SNAP23: variants seen among roughly 807,000 people sequenced by gnomAD.
The protein encoded by SNAP23 is synaptosome associated protein 23, also known as synaptosomal-associated protein 23.
In SNAP23, 11 loss-of-function variants were observed where a neutral mutation model predicts 29.0. The ratio of observed to expected loss-of-function variants is 0.38; its 90% CI spans 0.24 to 0.63. The LOEUF (loss-of-function observed/expected upper bound fraction) is 0.63. Among genes scored for constraint, SNAP23 ranks in the 20% least tolerant of loss-of-function variants. The probability of loss-of-function intolerance (pLI) is 0.58; values close to 1 mark genes in which losing one functional copy is unlikely to be tolerated. For synonymous variants in SNAP23, 60 were observed against 82.9 expected (o/e 0.72, Z 1.50); for missense variants, 220 against 253.9 (o/e 0.87, Z 0.91).
chr15:42,508,168 A>G (rs1375778368), intron 1 of SNAP23, among the ~76,000 whole-genome samples: 1 of 151,462 alleles, frequency 6.6e-6, no homozygotes, highest in Non-Finnish European at 1.5e-5. Context: ...AGGGGGCTAA[A>G]TGGGAGGATT....
chr15:42,497,997 G>A (rs7180483), intron 1 of SNAP23, among the ~76,000 whole-genome samples: 14,735 of 152,188 alleles, frequency 0.097, 817 homozygotes, highest in South Asian at 0.17. Context: ...CACATCTAGG[G>A]CACGCTGATG....
rs556018475 is a variant in SNAP23, at chr15:42,517,918, G to T, written c.266+2564G>T. Among the ~76,000 whole-genome samples the T allele has an allele frequency of 5.2e-4, 79 of 152,068 alleles. No homozygotes were observed. In the South Asian group the frequency reaches 0.016, roughly 31 times the overall value. On this transcript the variant is annotated intron_variant, in intron 5 of 7. Transcript: ENST00000249647. The stretch of plus-strand genomic sequence containing the variant: ...GTAGAGACAGGGGTCTTGCTATGTT[G>T]CCCAGGCTTGTATCAAACTCCTGGC...
At chr15:42,500,209 C>G (rs1288756158) in intron 1 of SNAP23, among the ~76,000 whole-genome samples, 1 of 133,622 alleles carries the variant, frequency 7.5e-6, no homozygotes, top group African/African-American at 2.8e-5. Context: ...ATCTGCAACA[C>G]TCTGGACATC....
intron 5 of SNAP23, among the ~76,000 whole-genome samples, chr15:42,519,452 A>T (rs1214281853): frequency 6.6e-6 from 1 of 151,208 alleles, no homozygotes; most frequent in Non-Finnish European, 1.5e-5. Flanking sequence ...GCTCACTGCA[A>T]CCTTCGCTTC....
At chr15:42,500,458 G>T (rs2057259875) in intron 1 of SNAP23, among the ~76,000 whole-genome samples, 2 of 146,084 alleles carry the variant, frequency 1.4e-5, no homozygotes, top group Admixed American at 1.4e-4. Flanking sequence ...GTGTGATCTC[G>T]GCTCACCGCA....
At chr15:42,521,811 C>A in intron 5 of SNAP23, 1 of 456,154 alleles carries the variant, frequency 2.2e-6, no homozygotes, top group Non-Finnish European at 3.9e-6. Context: ...TGAATTTGTT[C>A]TTGATGGGTG....
chr15:42,531,562 G>A lies in SNAP23; in HGVS notation c.*84G>A, dbSNP rs771146201. The A allele has an allele frequency of 1.6e-4, 162 of 1,001,568 alleles. No homozygotes were observed. The highest frequency in any genetic ancestry group is 2.1e-4 in the Admixed American group (10 of 48,200). The allele number at this position is 1,001,568 out of a possible 1,614,324, so 62.0% of individuals were successfully genotyped here. A position where few individuals can be genotyped will look rare whatever the true frequency, so the allele number is the denominator to read the frequency against. ...TTACCTTTTCAGAGTTTAAGTTTTC[G>A]GTTCCACGCTCTTCTAATTGGGAGA... is the stretch of plus-strand genomic sequence containing the variant. On this transcript the variant is annotated 3_prime_UTR_variant, in exon 8 of 8. Transcript: ENST00000249647.
chr15:42,511,969 G>A, intron 2 of SNAP23, 66 bp downstream of exon 2: 1 of 1,087,570 alleles, frequency 9.2e-7, no homozygotes, highest in Non-Finnish European at 1.3e-6. Context: ...GAGTGAGAGA[G>A]CCTTCTTAGG....
chr15:42,531,397 C>A lies in SNAP23; in HGVS notation c.571-16C>A, dbSNP rs760021999. ...GTTACTTACCTTGTAAAGCTGATAT[C>A]TTTCTTGTTTTTCAGGCTGACACCA... On this transcript the variant is annotated splice_polypyrimidine_tract_variant and intron_variant, in intron 7 of 7. Coordinates refer to ENST00000249647, the MANE Select transcript of SNAP23 (RefSeq NM_003825.4). 7 of 1,522,986 alleles carry A rather than the reference C, an allele frequency of 4.6e-6. No homozygotes were observed. In the South Asian group the frequency reaches 8.1e-5, roughly 18 times the overall value. 94.3% of individuals were successfully genotyped at this position (1,522,986 alleles called of 1,614,324 possible). A position where few individuals can be genotyped will look rare whatever the true frequency, so the allele number is the denominator to read the frequency against.
intron 5 of SNAP23, among the ~76,000 whole-genome samples, chr15:42,525,323 G>A (rs1182463451): frequency 6.8e-6 from 1 of 146,970 alleles, no homozygotes. Flanking sequence ...AGCTGAGATC[G>A]TGCCACTGCA....
At chr15:42,505,929 TTTTC>T (rs2057313591) in intron 1 of SNAP23, among the ~76,000 whole-genome samples, 2 of 151,642 alleles carry the variant, frequency 1.3e-5, no homozygotes, top group African/African-American at 4.8e-5. Flanking sequence ...CTTTCTTTTC[TTTTC>T]TTTTTTTTTC....
intron 4 of SNAP23, 89 bp from the exon 5 acceptor site, chr15:42,515,148 G>A (rs1011595383): frequency 2.7e-6 from 2 of 741,298 alleles, no homozygotes; most frequent in South Asian, 1.7e-5. Flanking sequence ...GTAGATTCAA[G>A]GTTGAAGTTT....
intron 7 of SNAP23, among the ~76,000 whole-genome samples, chr15:42,530,243 C>G (rs1375012040): frequency 6.6e-6 from 1 of 152,114 alleles, no homozygotes; most frequent in Non-Finnish European, 1.5e-5. Flanking sequence ...CCACATCAGC[C>G]TATTTTGTTA....
chr15:42,506,460 C>G (rs975384719), intron 1 of SNAP23, among the ~76,000 whole-genome samples: 16 of 152,248 alleles, frequency 1.1e-4, no homozygotes, highest in African/African-American at 3.6e-4. Context: ...AGGCTGGTCT[C>G]AAACTAGCCT....
intron 1 of SNAP23, among the ~76,000 whole-genome samples, chr15:42,511,448 C>G (rs1414701330): frequency 6.6e-6 from 1 of 152,142 alleles, no homozygotes; most frequent in Non-Finnish European, 1.5e-5. Context: ...TTTTCTTCAC[C>G]TACTGCTTTT....
At chr15:42,503,232 C>T (rs927836851) in intron 1 of SNAP23, among the ~76,000 whole-genome samples, 3 of 152,012 alleles carry the variant, frequency 2.0e-5, no homozygotes, top group East Asian at 1.9e-4. Context: ...GATGGAGTCT[C>T]GCTCTGTCGC....
chr15:42,515,799 G>C (rs73404729), intron 5 of SNAP23, among the ~76,000 whole-genome samples: 7,231 of 152,216 alleles, frequency 0.048, 574 homozygotes, highest in African/African-American at 0.16. Context: ...ATGATAGTGA[G>C]CAAGGCTAAA....
intron 5 of SNAP23, among the ~76,000 whole-genome samples, chr15:42,522,868 CAG>C (rs1386393028): frequency 2.4e-5 from 2 of 81,684 alleles, no homozygotes; most frequent in East Asian, 3.7e-4. Flanking sequence ...TTTTTTGAGA[CAG>C]AGTCTCGTTC....
At chr15:42,526,985 G>A (rs972167167) in intron 5 of SNAP23, among the ~76,000 whole-genome samples, 2 of 151,920 alleles carry the variant, frequency 1.3e-5, no homozygotes, top group African/African-American at 2.4e-5. Context: ...TTATAGGCAC[G>A]TGGTGCCACA....
Sources: gnomAD v4.1 joint callset for allele counts (sites outside exome capture counted in the v4.1 genomes callset) on GRCh38, gnomAD v4.1.1 for gene constraint, MANE v1.5 for transcripts, NCBI Gene and HGNC (gene_info 2026-07-23, HGNC 2026-07-21) for gene names.